Variants in ABCB1 observed in about 807,000 individuals in gnomAD.
The protein encoded by ABCB1 is ATP binding cassette subfamily B member 1, also known as ATP-dependent translocase ABCB1.
Under a neutral mutation model 142.0 loss-of-function variants are expected in ABCB1, and 69 were observed. The observed-to-expected ratio is 0.49, with a 90% confidence interval of 0.40 to 0.59. The LOEUF (loss-of-function observed/expected upper bound fraction) is 0.59. Ranked by LOEUF, ABCB1 falls within the 20% of genes least tolerant of loss-of-function variation. ABCB1 has a pLI of 0.00. For missense variants in ABCB1, 1,326 were observed against 1,554.7 expected (o/e 0.85, Z 2.47); for synonymous variants, 532 against 539.2 (o/e 0.99, Z 0.18).
chr7:87,654,674 A>G (rs552612280), intron 1 of ABCB1, among the ~76,000 whole-genome samples: 3 of 152,202 alleles, frequency 2.0e-5, no homozygotes, highest in East Asian at 1.9e-4. Flanking sequence ...GGGTGATGAC[A>G]TTTTTGGATT....
chr7:87,572,909 G>C (rs142485174), intron 4 of ABCB1, among the ~76,000 whole-genome samples: 1 of 121,646 alleles, frequency 8.2e-6, no homozygotes, highest in Non-Finnish European at 1.7e-5. Context: ...GTGGAGGGTG[G>C]GGGGAGGGAG....
At chr7:87,606,226 T>A (rs1406922989) in intron 1 of ABCB1, among the ~76,000 whole-genome samples, 1 of 152,100 alleles carries the variant, frequency 6.6e-6, no homozygotes, top group Admixed American at 6.5e-5. Flanking sequence ...GAAAACATAC[T>A]GAAATATTCA....
intron 25 of ABCB1, among the ~76,000 whole-genome samples, chr7:87,510,401 A>G (rs772153173): frequency 6.6e-6 from 1 of 152,244 alleles, no homozygotes; most frequent in Non-Finnish European, 1.5e-5. Flanking sequence ...CCCTTTCTCT[A>G]TAATCTGGCT....
intron 1 of ABCB1, among the ~76,000 whole-genome samples, chr7:87,711,273 CCGAGAT>C (rs1830058851): frequency 6.6e-6 from 1 of 151,626 alleles, no homozygotes; most frequent in African/African-American, 2.4e-5. Context: ...TTGTGGAGAG[CCGAGAT>C]TGAGCCATTG....
intron 1 of ABCB1, among the ~76,000 whole-genome samples, chr7:87,684,293 A>C (rs1346233105): frequency 1.3e-5 from 2 of 152,172 alleles, no homozygotes; most frequent in African/African-American, 4.8e-5. Flanking sequence ...GCAATCTCAA[A>C]GTTTTAGAAG....
At chr7:87,595,703 T>C in intron 3 of ABCB1, 63 bp downstream of exon 3, 1 of 1,289,550 alleles carries the variant, frequency 7.8e-7, no homozygotes, top group Non-Finnish European at 1.1e-6. Context: ...AATATCTCTT[T>C]TCCATGTAAG....
intron 25 of ABCB1, among the ~76,000 whole-genome samples, chr7:87,513,026 A>G (rs921843908): frequency 6.6e-6 from 1 of 152,234 alleles, no homozygotes. Flanking sequence ...TGCACAGTGT[A>G]AAATCTGGGA....
chr7:87,686,776 GAAAAAAAAA>G (rs555870738), intron 1 of ABCB1, among the ~76,000 whole-genome samples: 4 of 106,976 alleles, frequency 3.7e-5, no homozygotes, highest in African/African-American at 1.4e-4. Context: ...CCCGCCTCTA[GAAAAAAAAA>G]AAAAAAAGAA....
intron 1 of ABCB1, chr7:87,650,907 T>C: frequency 1.2e-6 from 2 of 1,611,520 alleles, no homozygotes; most frequent in East Asian, 2.2e-5. Context: ...TGCAGCTATT[T>C]TGGAACAGAT....
At chr7:87,673,478 G>C (rs1388250050) in intron 1 of ABCB1, among the ~76,000 whole-genome samples, 1 of 152,120 alleles carries the variant, frequency 6.6e-6, no homozygotes, top group African/African-American at 2.4e-5. Context: ...CAAGCATTGA[G>C]ATTCTTTCCT....
chr7:87,599,970 C>A (rs939458809), intron 2 of ABCB1, 147 bp downstream of exon 2: 2 of 761,630 alleles, frequency 2.6e-6, no homozygotes, highest in Non-Finnish European at 4.3e-6. Flanking sequence ...CTGCTCTAAG[C>A]AGGGATATTG....
At chr7:87,693,687 C>T (rs1243222197) in intron 1 of ABCB1, among the ~76,000 whole-genome samples, 2 of 152,166 alleles carry the variant, frequency 1.3e-5, no homozygotes, top group Non-Finnish European at 2.9e-5. Context: ...ACACCTTAGC[C>T]TCTCCAATAC....
intron 21 of ABCB1, among the ~76,000 whole-genome samples, chr7:87,530,289 G>A (rs1476696812): frequency 6.6e-6 from 1 of 152,184 alleles, no homozygotes; most frequent in Non-Finnish European, 1.5e-5. Flanking sequence ...TTTCCACTAT[G>A]ATACAGATCA....
intron 26 of ABCB1, 84 bp downstream of exon 26, chr7:87,509,191 G>A: frequency 7.1e-7 from 1 of 1,409,898 alleles, no homozygotes; most frequent in Non-Finnish European, 1.0e-6. Flanking sequence ...CTTCACTTCT[G>A]GGAGACCAGC....
chr7:87,547,413 A>C (rs546870321), intron 14 of ABCB1, among the ~76,000 whole-genome samples: 14 of 152,296 alleles, frequency 9.2e-5, no homozygotes, highest in Admixed American at 9.2e-4. Context: ...ACATAGTTTC[A>C]CTATAGATTA....
At chr7:87,566,683 T>C (rs1817795325) in intron 6 of ABCB1, 102 bp downstream of exon 6, 3 of 1,207,668 alleles carry the variant, frequency 2.5e-6, no homozygotes. Flanking sequence ...ATAAGTACCT[T>C]TGAATGATAC....
intron 1 of ABCB1, among the ~76,000 whole-genome samples, chr7:87,672,758 G>A (rs567652775): frequency 2.0e-5 from 3 of 152,182 alleles, no homozygotes; most frequent in Non-Finnish European, 4.4e-5. Context: ...GAGAAGTGTG[G>A]TTTCCTGAGG....
intron 4 of ABCB1, among the ~76,000 whole-genome samples, chr7:87,573,698 T>A (rs890945578): frequency 1.3e-5 from 2 of 152,192 alleles, no homozygotes; most frequent in African/African-American, 4.8e-5. Flanking sequence ...TCTTTTGCAA[T>A]CTTGCCACAA....
chr7:87,657,648 A>G (rs1308996033), intron 1 of ABCB1, among the ~76,000 whole-genome samples: 2 of 152,160 alleles, frequency 1.3e-5, no homozygotes, highest in Non-Finnish European at 2.9e-5. Flanking sequence ...ATCTTCATCC[A>G]AAAGTAATGT....
Sources: gnomAD v4.1 joint callset for allele counts (sites outside exome capture counted in the v4.1 genomes callset) on GRCh38, gnomAD v4.1.1 for gene constraint, MANE v1.5 for transcripts, NCBI Gene and HGNC (gene_info 2026-07-23, HGNC 2026-07-21) for gene names.